DNAH12: variants seen among roughly 807,000 people sequenced by gnomAD.
The protein encoded by DNAH12 is dynein axonemal heavy chain 12, also known as axonemal beta dynein heavy chain 12.
DNAH12 carries 285 observed loss-of-function variants against 371.5 expected under a neutral mutation model. That is an observed-to-expected ratio of 0.77 (90% CI 0.70 to 0.85). The LOEUF (loss-of-function observed/expected upper bound fraction) is 0.85. Among genes scored for constraint, DNAH12 ranks in the 40% least tolerant of loss-of-function variants. The pLI is 0.00. For synonymous variants in DNAH12, 1,200 were observed against 1,213.0 expected (o/e 0.99, Z 0.22); for missense variants, 3,611 against 3,689.4 (o/e 0.98, Z 0.55).
chr3:57,348,168 T>C (rs1553658794), intron 60 of DNAH12, among the ~76,000 whole-genome samples: 1 of 152,120 alleles, frequency 6.6e-6, no homozygotes, highest in East Asian at 1.9e-4. Context: ...AACAATGGAA[T>C]ATAATTCAGC....
intron 65 of DNAH12, among the ~76,000 whole-genome samples, chr3:57,321,351 G>T (rs370626438): frequency 6.6e-6 from 1 of 152,158 alleles, no homozygotes; most frequent in Non-Finnish European, 1.5e-5. Flanking sequence ...AAAGAATTTA[G>T]TTAATTTTAC....
chr3:57,500,079 T>C (rs562631936), intron 11 of DNAH12, among the ~76,000 whole-genome samples: 41 of 151,348 alleles, frequency 2.7e-4, no homozygotes, highest in Non-Finnish European at 4.4e-4. Flanking sequence ...CTTACTCTGT[T>C]GCCCAGGCTG....
At chr3:57,334,683 A>G in intron 61 of DNAH12, 74 bp from the exon 62 acceptor site, 1 of 1,509,436 alleles carries the variant, frequency 6.6e-7, no homozygotes, top group South Asian at 1.3e-5. Flanking sequence ...CAAGGAGTAG[A>G]AACCAGACAG....
intron 2 of DNAH12, among the ~76,000 whole-genome samples, chr3:57,525,172 GA>G (rs1213799567): frequency 0.045 from 5,761 of 126,750 alleles, 387 homozygotes; most frequent in African/African-American, 0.15. Context: ...AAAAAAAAAA[GA>G]AAAAAAATCT....
chr3:57,397,428 G>C (rs2063767316), intron 43 of DNAH12, among the ~76,000 whole-genome samples: 1 of 152,184 alleles, frequency 6.6e-6, no homozygotes, highest in African/African-American at 2.4e-5. Flanking sequence ...CCTTCCTCAG[G>C]ACAGAAGAAA....
chr3:57,429,327 C>A (rs2064883571), intron 33 of DNAH12, among the ~76,000 whole-genome samples: 1 of 152,124 alleles, frequency 6.6e-6, no homozygotes, highest in South Asian at 2.1e-4. Context: ...CAGGCATGCA[C>A]CACCATGCCT....
intron 59 of DNAH12, among the ~76,000 whole-genome samples, chr3:57,354,509 G>T (rs1254953696): frequency 1.5e-5 from 2 of 136,308 alleles, no homozygotes; most frequent in Non-Finnish European, 3.1e-5. Flanking sequence ...TAAAAAAAGA[G>T]TCCTCAATAA....
intron 2 of DNAH12, chr3:57,530,592 G>T: frequency 3.2e-6 from 2 of 628,856 alleles, no homozygotes. Flanking sequence ...AGTCAGCTTG[G>T]CCCCCTTCTT....
At chr3:57,358,720 T>C (rs943732043) in intron 58 of DNAH12, among the ~76,000 whole-genome samples, 3 of 152,182 alleles carry the variant, frequency 2.0e-5, no homozygotes, top group African/African-American at 7.2e-5. Context: ...CTATTTAAAC[T>C]TTGACTTTCA....
chr3:57,438,272 C>T (rs2065192333), intron 29 of DNAH12, among the ~76,000 whole-genome samples: 1 of 152,134 alleles, frequency 6.6e-6, no homozygotes, highest in African/African-American at 2.4e-5. Context: ...GATTGCACCA[C>T]TGCACTCCAG....
At chr3:57,437,662 G>A (rs2065170804) in intron 29 of DNAH12, among the ~76,000 whole-genome samples, 1 of 152,134 alleles carries the variant, frequency 6.6e-6, no homozygotes, top group Non-Finnish European at 1.5e-5. Context: ...GGTTGTGTGG[G>A]CTTATGTGAC....
At chr3:57,466,785 T>C (rs2066215866) in intron 17 of DNAH12, among the ~76,000 whole-genome samples, 1 of 152,052 alleles carries the variant, frequency 6.6e-6, no homozygotes, top group Admixed American at 6.6e-5. Flanking sequence ...TCTTACTCTG[T>C]TGTGCCCAGG....
intron 62 of DNAH12, among the ~76,000 whole-genome samples, chr3:57,333,315 T>C (rs13080460): frequency 0.1 from 15,379 of 148,266 alleles, 1,127 homozygotes; most frequent in Middle Eastern, 0.16. Context: ...GGATACATGT[T>C]CTTTTTAAGG....
At chr3:57,462,934 T>G in intron 17 of DNAH12, 59 bp from the exon 18 acceptor site, 8 of 1,175,184 alleles carry the variant, frequency 6.8e-6, no homozygotes, top group Non-Finnish European at 9.7e-6. Flanking sequence ...ACACATAGAT[T>G]CCATAGATGA....
At chr3:57,381,876 T>TATA (rs1391550855) in intron 50 of DNAH12, among the ~76,000 whole-genome samples, 11 of 63,894 alleles carry the variant, frequency 1.7e-4, no homozygotes, top group South Asian at 4.9e-4. Context: ...TATATATATA[T>TATA]TTTTTTTTTT....
chr3:57,333,718 T>G (rs575304927), intron 62 of DNAH12, among the ~76,000 whole-genome samples: 1 of 152,318 alleles, frequency 6.6e-6, no homozygotes, highest in South Asian at 2.1e-4. Context: ...CCCACAGGTG[T>G]TTGTTGACCC....
chr3:57,348,018 C>T (rs1403063709), intron 60 of DNAH12, among the ~76,000 whole-genome samples: 2 of 152,144 alleles, frequency 1.3e-5, no homozygotes, highest in Non-Finnish European at 2.9e-5. Context: ...ACTCCTGGTA[C>T]TTACCCAAAG....
chr3:57,433,773 C>G lies in DNAH12; in HGVS notation c.4711G>C (p.Ala1571Pro). 6.4e-7 allele frequency: 1 copy of G among 1,550,506 alleles called. No homozygotes were observed. Reference protein sequence around the residue: ...AAKTKVLHVLADTLTLMNEHG... With the variant: ...AAKTKVLHVLPDTLTLMNEHG... ...TCATTCATTAAAGTTAGCGTATCCG[C>G]CAGCACATGCAGAACTTTTGTCTTA... is the stretch of plus-strand genomic sequence containing the variant. The change falls in exon 31 of 74, where the codon GCG becomes CCG. Residue 1571 changes from alanine to proline, a missense_variant. Physicochemically the swap from Ala to Pro is conservative, Grantham distance 27. This residue lies in a region of DNAH12 where 2,266 missense variants were observed against 2,236.9 expected (regional missense o/e 1.01). Transcript: ENST00000495027.
chr3:57,478,730 C>A (rs1343384189), intron 13 of DNAH12, among the ~76,000 whole-genome samples: 1 of 152,202 alleles, frequency 6.6e-6, no homozygotes, highest in African/African-American at 2.4e-5. Context: ...GAGCTCTTGG[C>A]AGAAACTCTA....
Sources: allele counts gnomAD v4.1 joint callset (sites outside exome capture counted in the v4.1 genomes callset), GRCh38; gene constraint gnomAD v4.1.1; regional missense constraint gnomAD v4.1.1; transcripts MANE v1.5; gene names NCBI Gene and HGNC (gene_info 2026-07-23, HGNC 2026-07-21).